Variants in NEDD1 observed in about 807,000 individuals in gnomAD.
NEDD1 encodes the protein NEDD1 gamma-tubulin ring complex targeting factor.
NEDD1 carries 33 observed loss-of-function variants against 74.0 expected under a neutral mutation model. The ratio of observed to expected loss-of-function variants is 0.45; its 90% CI spans 0.34 to 0.60. NEDD1 has a LOEUF of 0.60. Ranked by LOEUF, NEDD1 falls within the 20% of genes least tolerant of loss-of-function variation. NEDD1 has a pLI of 0.01. For synonymous variants in NEDD1, 250 were observed against 264.4 expected (o/e 0.95, Z 0.53); for missense variants, 746 against 776.5 (o/e 0.96, Z 0.47).
At chr12:96,950,440 A>G (rs1043672817) in intron 14 of NEDD1, among the ~76,000 whole-genome samples, 4 of 152,014 alleles carry the variant, frequency 2.6e-5, no homozygotes, top group African/African-American at 9.6e-5. Flanking sequence ...GAGATAATAC[A>G]TGATTGTTTA....
Position 96,936,826 on chromosome 12 carries a change from T to C in NEDD1, c.921+14T>C, listed in dbSNP as rs1419187162. On this transcript the variant is annotated intron_variant, in intron 8 of 15. Transcript: ENST00000266742. ...GTTCTTACTAAGGTGAGACATTTTC[T>C]TTTCAGCATTTTTTATTTTATTAAA... is the stretch of plus-strand genomic sequence containing the variant. 1 of 1,484,086 alleles carries C rather than the reference T, an allele frequency of 6.7e-7. No homozygotes were observed. Among genetic ancestry groups the C allele is most frequent in the Non-Finnish European group, 9.3e-7 (1 of 1,069,768 alleles). 91.9% of individuals were successfully genotyped at this position (1,484,086 alleles called of 1,614,324 possible). A position where few individuals can be genotyped will look rare whatever the true frequency, so the allele number is the denominator to read the frequency against.
In NEDD1 at chr12:96,943,819, G is replaced by T. The variant is rs552619262; in HGVS notation, c.1497+57G>T. On this transcript the variant is annotated intron_variant, in intron 12 of 15. Transcript: ENST00000266742. ...GTATGTGTTTATCAGTAGAAAGTGG[G>T]TGGCTGCCAGTGCATGTATCCTAAT... 32 of 1,092,990 alleles carry T rather than the reference G, an allele frequency of 2.9e-5. No individual in the cohort carries two copies. In the African/African-American group the frequency reaches 4.4e-4, roughly 15 times the overall value. The allele number at this position is 1,092,990 out of a possible 1,614,324, so 67.7% of individuals were successfully genotyped here.
At chr12:96,950,443 A>G (rs1467286545) in intron 14 of NEDD1, among the ~76,000 whole-genome samples, 1 of 151,980 alleles carries the variant, frequency 6.6e-6, no homozygotes, top group East Asian at 1.9e-4. Flanking sequence ...ATAATACATG[A>G]TTGTTTATAA....
At position 96,907,277 on chromosome 12, in the gene NEDD1, C is replaced by A. The variant is rs1327999523; in HGVS notation, c.-285C>A. ...AGCCCAGCGCGGAGCCGGCCGCGGC[C>A]CCCTGTTGTGTTGCTGCGGAGAGGT... is the stretch of plus-strand genomic sequence containing the variant. On this transcript the variant is annotated 5_prime_UTR_variant, in exon 1 of 16. Transcript: ENST00000266742. 1.9e-5 allele frequency: 5 copies of A among 270,020 alleles called. No homozygotes were observed. The highest frequency in any genetic ancestry group is 2.1e-5 in the Non-Finnish European group (3 of 145,554). 16.7% of individuals were successfully genotyped at this position (270,020 alleles called of 1,614,324 possible).
intron 6 of NEDD1, among the ~76,000 whole-genome samples, chr12:96,931,406 A>G (rs889906582): frequency 3.3e-5 from 5 of 152,224 alleles, no homozygotes; most frequent in South Asian, 2.1e-4. Context: ...TTTACAATGT[A>G]TGAGAGCAGT....
intron 8 of NEDD1, 38 bp downstream of exon 8, chr12:96,936,850 A>T (rs762729578): frequency 7.8e-7 from 1 of 1,282,680 alleles, no homozygotes; most frequent in Non-Finnish European, 1.1e-6. Flanking sequence ...TATTTTATTA[A>T]ATAAATCTAA....
In NEDD1 at chr12:96,952,070, T is replaced by G; in HGVS notation, c.*17T>G. On this transcript the variant is annotated 3_prime_UTR_variant, in exon 16 of 16. Transcript: ENST00000266742. ...CACTTTTGAAATTTCAGTGAATACCTTAATGTTCTGTAATTTGGGAAGTTT... is the reference window on the plus strand; with the variant it reads ...CACTTTTGAAATTTCAGTGAATACCGTAATGTTCTGTAATTTGGGAAGTTT... 2 of 1,321,586 alleles carry G rather than the reference T, an allele frequency of 1.5e-6. No individual in the cohort carries two copies. Among genetic ancestry groups the G allele is most frequent in the South Asian group, 2.4e-5 (2 of 84,802 alleles). 81.9% of individuals were successfully genotyped at this position (1,321,586 alleles called of 1,614,324 possible).
At chr12:96,912,858 G>A (rs750346598) in intron 4 of NEDD1, 41 bp downstream of exon 4, 2 of 1,060,806 alleles carry the variant, frequency 1.9e-6, no homozygotes, top group Non-Finnish European at 2.9e-6. Context: ...AAAAATCTTA[G>A]TTTTGCTTGA....
At chr12:96,942,538 T>A in intron 10 of NEDD1, 39 bp from the exon 11 acceptor site, 1 of 1,015,048 alleles carries the variant, frequency 9.9e-7, no homozygotes, top group Non-Finnish European at 1.5e-6. Flanking sequence ...TGGTTTCTTT[T>A]TCACTAGTTT....
chr12:96,935,152 T>C lies in NEDD1; in HGVS notation c.666T>C (p.Phe222=), dbSNP rs1242923816. 1 of 1,613,290 alleles carries C rather than the reference T, an allele frequency of 6.2e-7. No individual in the cohort carries two copies. The highest frequency in any genetic ancestry group is 1.1e-5 in the South Asian group (1 of 91,066). Residue 222 remains phenylalanine, a synonymous_variant, in exon 7 of 16, where the codon TTT becomes TTC. Coordinates refer to ENST00000266742, the MANE Select transcript of NEDD1 (RefSeq NM_152905.4). ...ICFSPVNELL[F]VTIGLDKRII... is the part of the protein sequence containing the mutation. ...TTTCTCCTGTCAATGAATTGCTCTT[T>C]GTAACCATAGGCTTGGATAAAAGAA... is the stretch of plus-strand genomic sequence containing the variant.
chr12:96,924,027 T>C (rs1035795602), intron 6 of NEDD1, among the ~76,000 whole-genome samples: 1 of 152,174 alleles, frequency 6.6e-6, no homozygotes, highest in African/African-American at 2.4e-5. Flanking sequence ...ATCTTTCTTA[T>C]TTATGTTTGT....
At chr12:96,930,832 A>G (rs1249846646) in intron 6 of NEDD1, among the ~76,000 whole-genome samples, 1 of 152,134 alleles carries the variant, frequency 6.6e-6, no homozygotes, top group Non-Finnish European at 1.5e-5. Flanking sequence ...ACACACATAC[A>G]TGCACACACA....
rs1331202628 is a variant in NEDD1, at chr12:96,943,565, G to T, written c.1300G>T (p.Asp434Tyr). The change falls in exon 12 of 16, where the codon GAC (aspartate) becomes TAC (tyrosine). Residue 434 changes from aspartate to tyrosine, a missense_variant. Asp to Tyr is a radical substitution (Grantham distance 160). Coordinates refer to ENST00000266742, the MANE Select transcript of NEDD1 (RefSeq NM_152905.4). ...DESIGKGDGFDFLPQLNSVFP... is the reference protein window; with the variant it reads ...DESIGKGDGFYFLPQLNSVFP... ...GCAGTTTTTCCCTTTTCCAGGCTTT[G>T]ACTTTCTACCGCAGTTGAACTCAGT... 5 of 1,612,082 alleles carry T rather than the reference G, an allele frequency of 3.1e-6. No homozygotes were observed. Among genetic ancestry groups the T allele is most frequent in the South Asian group, 1.1e-5 (1 of 90,832 alleles).
At chr12:96,914,043 A>G (rs774065969) in intron 4 of NEDD1, among the ~76,000 whole-genome samples, 1 of 152,200 alleles carries the variant, frequency 6.6e-6, no homozygotes, top group Non-Finnish European at 1.5e-5. Context: ...AGACTGGGAC[A>G]GAGGGAACAT....
At chr12:96,913,176 T>G (rs1001891101) in intron 4 of NEDD1, among the ~76,000 whole-genome samples, 2 of 152,094 alleles carry the variant, frequency 1.3e-5, no homozygotes, top group Non-Finnish European at 2.9e-5. Context: ...ACAGCACTGC[T>G]TTACTGATCT....
chr12:96,918,441 C>G (rs986493901), intron 5 of NEDD1, among the ~76,000 whole-genome samples: 3 of 151,958 alleles, frequency 2.0e-5, no homozygotes, highest in African/African-American at 7.3e-5. Flanking sequence ...TACACACATA[C>G]ACAGAGGAAG....
chr12:96,953,147 T>C lies in NEDD1; in HGVS notation c.*1094T>C, dbSNP rs1878856629. On this transcript the variant is annotated 3_prime_UTR_variant, in exon 16 of 16. Coordinates refer to ENST00000266742, the MANE Select transcript of NEDD1 (RefSeq NM_152905.4). ...TCTCTTGTCCCAAAGATTTAAACTGTGTACCTTTGTATAGCTCTTCTGCCC... is the reference window on the plus strand; with the variant it reads ...TCTCTTGTCCCAAAGATTTAAACTGCGTACCTTTGTATAGCTCTTCTGCCC... 6.6e-6 allele frequency: 1 copy of C among 151,102 alleles called. No homozygotes were observed. Among genetic ancestry groups the C allele is most frequent in the South Asian group, 2.1e-4 (1 of 4,812 alleles). 9.4% of individuals were successfully genotyped at this position (151,102 alleles called of 1,614,324 possible). A position where few individuals can be genotyped will look rare whatever the true frequency, so the allele number is the denominator to read the frequency against.
intron 10 of NEDD1, among the ~76,000 whole-genome samples, chr12:96,940,941 T>TA (rs1877604091): frequency 6.6e-6 from 1 of 152,026 alleles, no homozygotes; most frequent in Non-Finnish European, 1.5e-5. Context: ...CACCACCCCA[T>TA]AAAAAAGTTG....
intron 2 of NEDD1, 74 bp from the exon 3 acceptor site, chr12:96,909,678 T>C (rs1231017836): frequency 1.7e-6 from 2 of 1,209,866 alleles, no homozygotes; most frequent in Non-Finnish European, 2.4e-6. Context: ...TTGTTTTAGA[T>C]TAGATTTTGA....
Sources: gnomAD v4.1 joint callset for allele counts (sites outside exome capture counted in the v4.1 genomes callset) on GRCh38, gnomAD v4.1.1 for gene constraint, MANE v1.5 for transcripts, NCBI Gene and HGNC (gene_info 2026-07-23, HGNC 2026-07-21) for gene names.